The following TEF variants were observed in gnomAD, a reference collection of about 807,000 sequenced individuals.
The protein encoded by TEF is thyrotroph embryonic factor.
TEF carries 3 observed loss-of-function variants against 20.8 expected under a neutral mutation model. The observed-to-expected ratio is 0.14, with a 90% CI of 0.07 to 0.37. TEF has a LOEUF of 0.37. TEF is among the 10% of genes least tolerant of loss of function. The probability of loss-of-function intolerance (pLI) is 1.00; values close to 1 mark genes in which losing one functional copy is unlikely to be tolerated. For missense variants in TEF, 296 were observed against 397.9 expected (o/e 0.74, Z 2.18); for synonymous variants, 180 against 171.1 (o/e 1.05, Z -0.41).
exon 1 of TEF, chr22:41,367,547 G>A (rs1403290388): frequency 3.9e-6 from 6 of 1,551,344 alleles, no homozygotes; most frequent in Non-Finnish European, 4.4e-6. Flanking sequence ...ACATGCCTGA[G>A]GTCCTCAAGT....
At chr22:41,387,813 C>T in intron 2 of TEF, 145 bp downstream of exon 2, 2 of 809,606 alleles carry the variant, frequency 2.5e-6, no homozygotes, top group South Asian at 1.8e-5. Flanking sequence ...AAACTCTTCA[C>T]TCCCCACCCT....
At chr22:41,382,924 G>A (rs1052543679) in intron 1 of TEF, 13 of 470,946 alleles carry the variant, frequency 2.8e-5, no homozygotes, top group Non-Finnish European at 5.3e-5. Context: ...GGGCCACGGC[G>A]GCAGGACTGA....
chr22:41,369,283 G>T (rs1433622638), intron 1 of TEF: 1 of 982,786 alleles, frequency 1.0e-6, no homozygotes, highest in Non-Finnish European at 1.2e-6. Flanking sequence ...GATGAGCAAA[G>T]TCAGGGCCTG....
At position 41,397,636 on chromosome 22, in the gene TEF, C is replaced by G. The variant is rs2037246558; in HGVS notation, c.*1676C>G. On this transcript the variant is annotated 3_prime_UTR_variant, in exon 4 of 4. Transcript: ENST00000266304. ...CTCTCCGGGGGACTTGACAAGGGGC[C>G]CTGAGGCCAAGGGAGGTCACTCCTC... 6.6e-6 allele frequency: 1 copy of G among 152,582 alleles called. No homozygotes were observed. The highest frequency in any genetic ancestry group is 2.4e-5 in the African/African-American group (1 of 41,454). The allele number at this position is 152,582 out of a possible 1,614,324, so 9.5% of individuals were successfully genotyped here.
chr22:41,389,673 G>T (rs899584385), intron 2 of TEF, among the ~76,000 whole-genome samples: 1 of 150,628 alleles, frequency 6.6e-6, no homozygotes, highest in Non-Finnish European at 1.5e-5. Context: ...GTATCACTGT[G>T]TTGCCCTGGC....
rs2037221565 is a variant in TEF at position 41,395,910 on chromosome 22, A to G, written c.862A>G (p.Lys288Glu). ...EVAELRKEVG[K>E]CKTIVSKYET... The stretch of plus-strand genomic sequence containing the variant: ...GGCCGAGCTACGCAAGGAGGTGGGC[A>G]AGTGCAAGACCATCGTGTCCAAGTA... Residue 288 changes from lysine (K) to glutamate (E), a missense_variant, in exon 4 of 4, where the codon AAG becomes GAG. Physicochemically the swap from Lys to Glu is moderately conservative, Grantham distance 56 (BLOSUM62 1). This residue lies in a region of TEF where 194 missense variants were observed against 317.8 expected (regional missense o/e 0.61). Coordinates refer to ENST00000266304, the MANE Select transcript of TEF (RefSeq NM_003216.4). 6.2e-7 allele frequency: 1 copy of G among 1,614,068 alleles called. No individual in the cohort carries two copies. The highest frequency in any genetic ancestry group is 1.3e-5 in the African/African-American group (1 of 74,940).
At chr22:41,377,488 T>C (rs2036958178), upstream of TEF, among the ~76,000 whole-genome samples, 1 of 152,190 alleles carries the variant, frequency 6.6e-6, no homozygotes, top group Non-Finnish European at 1.5e-5. Flanking sequence ...TCACAAACTA[T>C]GGAAATTAGC....
At chr22:41,382,291 T>A in intron 1 of TEF, 90 bp downstream of exon 1, 1 of 1,082,996 alleles carries the variant, frequency 9.2e-7, no homozygotes, top group Non-Finnish European at 1.2e-6. Context: ...AGGCAGTGGG[T>A]CAGGGAGCAG....
At chr22:41,381,489 G>T (rs2037021631), upstream of TEF, among the ~76,000 whole-genome samples, 1 of 152,202 alleles carries the variant, frequency 6.6e-6, no homozygotes, top group Non-Finnish European at 1.5e-5. Context: ...GCTCGGATAG[G>T]TCGCTTTGGC....
intron 1 of TEF, among the ~76,000 whole-genome samples, chr22:41,386,711 C>G (rs1157967648): frequency 5.3e-5 from 8 of 152,032 alleles, no homozygotes; most frequent in Non-Finnish European, 1.0e-4. Context: ...CCATTGTAAG[C>G]CAGCCGAAGC....
At chr22:41,381,721 C>T (rs2037026092), upstream of TEF, among the ~76,000 whole-genome samples, 1 of 151,596 alleles carries the variant, frequency 6.6e-6, no homozygotes, top group Admixed American at 6.6e-5. Context: ...CGGGGCGGGG[C>T]CTCCGCGAGG....
At chr22:41,376,476 C>A (rs932976968) in intron 1 of TEF, among the ~76,000 whole-genome samples, 2 of 152,222 alleles carry the variant, frequency 1.3e-5, no homozygotes, top group African/African-American at 4.8e-5. Flanking sequence ...GAGCCATCCG[C>A]CTCGGCCTCC....
chr22:41,394,144 A>T lies in TEF; in HGVS notation c.524A>T (p.Asn175Ile). ...GAGACTCCCAGTCCCATCGACCCCAATTGTGTGGAAGTGGATGTGAACTTC... is the reference window on the plus strand; with the variant it reads ...GAGACTCCCAGTCCCATCGACCCCATTTGTGTGGAAGTGGATGTGAACTTC... ...ERETPSPIDP[N>I]CVEVDVNFNP... is the part of the protein sequence containing the mutation. The change falls in exon 3 of 4, where the codon AAT becomes ATT. Residue 175 changes from asparagine to isoleucine, a missense_variant. Coordinates refer to ENST00000266304, the MANE Select transcript of TEF (RefSeq NM_003216.4). 6.2e-7 allele frequency: 1 copy of T among 1,614,018 alleles called. No homozygotes were observed. Among genetic ancestry groups the T allele is most frequent in the South Asian group, 1.1e-5 (1 of 91,082 alleles).
Position 41,382,209 on chromosome 22 carries a change from C to T in TEF, c.157+8C>T, listed in dbSNP as rs1482734878. On this transcript the variant is annotated splice_region_variant and intron_variant, in intron 1 of 3. Coordinates refer to ENST00000266304, the MANE Select transcript of TEF (RefSeq NM_003216.4). ...CGCGCGAGGCGCGCCTCGGTGAGGG[C>T]GGGGGGGTGGTCCGCGCGGGCTGGG... The T allele has an allele frequency of 1.2e-6, 1 of 833,022 alleles. No homozygotes were observed. Among genetic ancestry groups the T allele is most frequent in the Non-Finnish European group, 1.4e-6 (1 of 723,392 alleles). The allele number at this position is 833,022 out of a possible 1,614,324, so 51.6% of individuals were successfully genotyped here. A position where few individuals can be genotyped will look rare whatever the true frequency, so the allele number is the denominator to read the frequency against.
intron 1 of TEF, among the ~76,000 whole-genome samples, chr22:41,368,792 T>A (rs1239450424): frequency 6.6e-6 from 1 of 152,070 alleles, no homozygotes; most frequent in Non-Finnish European, 1.5e-5. Flanking sequence ...GAGAAGAGTG[T>A]CACAGAAGGC....
chr22:41,389,475 C>T lies in TEF; in HGVS notation c.475+1807C>T, dbSNP rs971291321. 2.0e-5 allele frequency among the ~76,000 whole-genome samples: 3 copies of T among 151,064 alleles called. No individual in the cohort carries two copies. The South Asian group carries it at 6.3e-4, about 32-fold the overall frequency. On this transcript the variant is annotated intron_variant, in intron 2 of 3. Coordinates refer to ENST00000266304, the MANE Select transcript of TEF (RefSeq NM_003216.4). ...ACTCTACTAAAAATACAAAAATTAG[C>T]TGGGCATGGTGGTGCGTGTCTGTAA...
chr22:41,377,482 A>T (rs1381171359), upstream of TEF, among the ~76,000 whole-genome samples: 2 of 152,192 alleles, frequency 1.3e-5, no homozygotes, highest in Non-Finnish European at 2.9e-5. Flanking sequence ...TCGGGCTCAC[A>T]AACTATGGAA....
chr22:41,395,972 C>G lies in TEF; in HGVS notation c.*12C>G. ...ACGGGCCCTTGTAACCCGTGCCCCC[C>G]GCCCGGGCGGGGTACTGCCTGCACC... On this transcript the variant is annotated 3_prime_UTR_variant, in exon 4 of 4. Transcript: ENST00000266304. 4.4e-6 allele frequency: 7 copies of G among 1,604,596 alleles called. No individual in the cohort carries two copies. The highest frequency in any genetic ancestry group is 6.0e-6 in the Non-Finnish European group (7 of 1,172,384).
intron 1 of TEF, among the ~76,000 whole-genome samples, chr22:41,384,539 G>C (rs569570403): frequency 6.6e-6 from 1 of 152,070 alleles, no homozygotes; most frequent in African/African-American, 2.4e-5. Flanking sequence ...CTCTGAAAAG[G>C]GTCCTGAAAA....
Sources: gnomAD v4.1 joint callset for allele counts (sites outside exome capture counted in the v4.1 genomes callset) on GRCh38, gnomAD v4.1.1 for gene constraint, gnomAD v4.1.1 regional missense constraint, MANE v1.5 for transcripts, NCBI Gene and HGNC (gene_info 2026-07-23, HGNC 2026-07-21) for gene names.